ARL1: variants seen among roughly 807,000 people sequenced by gnomAD.
ARL1 encodes ADP-ribosylation factor-like protein 1.
A neutral mutation model predicts 30.1 loss-of-function variants in ARL1; 17 were observed. The observed-to-expected ratio is 0.56, with a 90% CI of 0.39 to 0.85. The LOEUF (loss-of-function observed/expected upper bound fraction) is 0.85. Among genes scored for constraint, ARL1 ranks in the 40% least tolerant of loss-of-function variants. The pLI, the probability that ARL1 is intolerant of heterozygous loss-of-function variation, is 0.00. For synonymous variants in ARL1, 58 were observed against 71.7 expected, an observed-to-expected ratio of 0.81 and a Z score of 0.97; for missense variants, 102 against 212.6, an observed-to-expected ratio of 0.48 and a Z score of 3.24.
chr12:101,397,701 T>C (rs1173243561), intron 4 of ARL1, among the ~76,000 whole-genome samples: 3 of 152,054 alleles, frequency 2.0e-5, no homozygotes, highest in Admixed American at 6.6e-5. Flanking sequence ...GGTTTCACCA[T>C]GTTGGTCACT....
At chr12:101,397,031 T>C (rs1245203175) in intron 4 of ARL1, among the ~76,000 whole-genome samples, 1 of 152,236 alleles carries the variant, frequency 6.6e-6, no homozygotes, top group African/African-American at 2.4e-5. Context: ...GTCTTTCCAC[T>C]AGACTATTAG....
chr12:101,395,608 G>C lies in ARL1; in HGVS notation c.*32C>G. The stretch of plus-strand genomic sequence containing the variant: ...TTTCCAAAGGGAGAGAGGTGATGTA[G>C]TCTTCATTTCAGGGGAGAAGAATGG... On this transcript the variant is annotated 3_prime_UTR_variant, in exon 6 of 6. Transcript: ENST00000261636. The C allele has an allele frequency of 3.2e-6, 5 of 1,551,704 alleles. No homozygotes were observed. The highest frequency in any genetic ancestry group is 2.3e-5 in the East Asian group (1 of 43,674).
At chr12:101,401,811 T>C (rs1211526714) in intron 3 of ARL1, among the ~76,000 whole-genome samples, 2 of 152,072 alleles carry the variant, frequency 1.3e-5, no homozygotes, top group Admixed American at 6.6e-5. Context: ...TACATCTTCT[T>C]AAACAAATCT....
chr12:101,400,366 T>C (rs1239386369), intron 4 of ARL1: 3 of 138,368 alleles, frequency 2.2e-5, no homozygotes, highest in Admixed American at 7.7e-5. Flanking sequence ...CTGGGCACCA[T>C]AGGTAGACCC....
At chr12:101,406,244 C>T (rs1871437750) in intron 1 of ARL1, among the ~76,000 whole-genome samples, 1 of 152,078 alleles carries the variant, frequency 6.6e-6, no homozygotes, top group Admixed American at 6.5e-5. Context: ...AATATGGCCG[C>T]GGCCTTTGGG....
At chr12:101,395,691 G>A in intron 5 of ARL1, 21 bp from the exon 6 acceptor site, 1 of 1,514,310 alleles carries the variant, frequency 6.6e-7, no homozygotes, top group Non-Finnish European at 9.0e-7. Context: ...AAAATGAACT[G>A]TTTTATAAAA....
Position 101,393,313 on chromosome 12 carries a change from A to C in ARL1, c.*2327T>G, listed in dbSNP as rs13387. 1 of 151,794 alleles carries C rather than the reference A, an allele frequency of 6.6e-6. No homozygotes were observed. The highest frequency in any genetic ancestry group is 2.4e-5 in the African/African-American group (1 of 41,240). 9.4% of individuals were successfully genotyped at this position (151,794 alleles called of 1,614,324 possible). The stretch of plus-strand genomic sequence containing the variant: ...AACAGAAGTAATTCTACCACTCTCA[A>C]ATTTTTTTTTTTAATGCAAGACACA... On this transcript the variant is annotated 3_prime_UTR_variant, in exon 6 of 6. Coordinates refer to ENST00000261636, the MANE Select transcript of ARL1 (RefSeq NM_001177.6).
In ARL1 at chr12:101,394,201, G is replaced by C. The variant is rs1040667425; in HGVS notation, c.*1439C>G. ...CCCGGAGAATGAACATAAATGTGAG[G>C]GGAAGAGGCCAGAGGCCAACACTGG... On this transcript the variant is annotated 3_prime_UTR_variant, in exon 6 of 6. Coordinates refer to ENST00000261636, the MANE Select transcript of ARL1 (RefSeq NM_001177.6). The C allele has an allele frequency of 2.0e-5, 3 of 152,176 alleles. No individual in the cohort carries two copies. The highest frequency in any genetic ancestry group is 7.2e-5 in the African/African-American group (3 of 41,444). The allele number at this position is 152,176 out of a possible 1,614,324, so 9.4% of individuals were successfully genotyped here.
rs919359528 is a variant in ARL1, at chr12:101,393,384, C to T, written c.*2256G>A. The T allele has an allele frequency of 1.3e-5, 2 of 151,840 alleles. No homozygotes were observed. The highest frequency in any genetic ancestry group is 4.8e-5 in the African/African-American group (2 of 41,328). 9.4% of individuals were successfully genotyped at this position (151,840 alleles called of 1,614,324 possible). On this transcript the variant is annotated 3_prime_UTR_variant, in exon 6 of 6. Coordinates refer to ENST00000261636, the MANE Select transcript of ARL1 (RefSeq NM_001177.6). ...TATAAAATACAATGTTAGAAAGAAA[C>T]GTTTGGTATCATTCGTCCAGATCCC...
chr12:101,405,879 C>G lies in ARL1; in HGVS notation c.107G>C (p.Arg36Thr). ...DGAGKTTILY[R>T]LQVGEVVTTI... ...AGTAACAACTTCTCCCACTTGTAAT[C>G]TGTACAAAATTGTGGTTTTTCCTGC... Residue 36 changes from arginine to threonine, a missense_variant, in exon 2 of 6, where the codon AGA (arginine) becomes ACA (threonine). Transcript: ENST00000261636. 1 of 1,565,156 alleles carries G rather than the reference C, an allele frequency of 6.4e-7. No individual in the cohort carries two copies. The highest frequency in any genetic ancestry group is 8.7e-7 in the Non-Finnish European group (1 of 1,153,142).
intron 4 of ARL1, among the ~76,000 whole-genome samples, chr12:101,399,264 AG>A (rs762335460): frequency 1.1e-4 from 17 of 152,156 alleles, no homozygotes; most frequent in Non-Finnish European, 2.4e-4. Flanking sequence ...TGGGAGGCCA[AG>A]GCTGGCAGAT....
At chr12:101,406,878 C>G (rs11110781) in intron 1 of ARL1, 33,560 of 151,756 alleles carry the variant, frequency 0.22, 6,507 homozygotes, top group African/African-American at 0.5. Context: ...TGCTTGGGAG[C>G]AAGAAGTATG....
At position 101,401,994 on chromosome 12, in the gene ARL1, A is replaced by T. The variant is rs547540814; in HGVS notation, c.225-821T>A. On this transcript the variant is annotated intron_variant, in intron 3 of 5. Coordinates refer to ENST00000261636, the MANE Select transcript of ARL1 (RefSeq NM_001177.6). Reference sequence around the variant, plus strand: ...TCTGGCTTGGGAGGCTGCACAATTTAAAAAAAAAGAAACGTGATTCAAGAA... The same window carrying T: ...TCTGGCTTGGGAGGCTGCACAATTTTAAAAAAAAGAAACGTGATTCAAGAA... Among the ~76,000 whole-genome samples, 3 of 151,410 alleles carry T rather than the reference A, an allele frequency of 2.0e-5. 1 individual carries two copies. Among genetic ancestry groups the T allele is most frequent in the African/African-American group, 7.3e-5 (3 of 41,298 alleles).
intron 2 of ARL1, chr12:101,403,368 C>T: frequency 3.1e-6 from 1 of 324,458 alleles, no homozygotes; most frequent in African/African-American, 2.2e-5. Flanking sequence ...ATATTAAACT[C>T]CCCTCATAAT....
intron 5 of ARL1, 67 bp downstream of exon 5, chr12:101,396,332 C>T: frequency 6.3e-7 from 1 of 1,589,212 alleles, no homozygotes; most frequent in Non-Finnish European, 8.6e-7. Context: ...AGAAAAATTA[C>T]ACGTGGACGT....
At chr12:101,407,501 G>C in intron 1 of ARL1, 141 bp downstream of exon 1, 1 of 1,099,134 alleles carries the variant, frequency 9.1e-7, no homozygotes, top group Non-Finnish European at 1.3e-6. Context: ...AAGATCCAAA[G>C]TGAGTCAAGT....
At chr12:101,403,887 G>T (rs1871370423) in intron 2 of ARL1, among the ~76,000 whole-genome samples, 1 of 152,096 alleles carries the variant, frequency 6.6e-6, no homozygotes, top group Non-Finnish European at 1.5e-5. Context: ...TTGAACCTGG[G>T]AGGCACAGGT....
chr12:101,399,443 C>T (rs769158669), intron 4 of ARL1, among the ~76,000 whole-genome samples: 4 of 140,496 alleles, frequency 2.8e-5, no homozygotes, highest in Admixed American at 7.8e-5. Flanking sequence ...ACCCAGGAGG[C>T]GAAAATTGTA....
At chr12:101,401,035 C>T (rs765487985) in intron 4 of ARL1, 27 bp downstream of exon 4, 97 of 1,471,206 alleles carry the variant, frequency 6.6e-5, no homozygotes, top group Non-Finnish European at 8.9e-5. Context: ...GACTGCCCCA[C>T]ATTTTAAAGT....
Sources: allele counts gnomAD v4.1 joint callset (sites outside exome capture counted in the v4.1 genomes callset), GRCh38; gene constraint gnomAD v4.1.1; transcripts MANE v1.5; gene names NCBI Gene and HGNC (gene_info 2026-07-23, HGNC 2026-07-21).